TRPM3: variants seen among roughly 807,000 people sequenced by gnomAD.
TRPM3 encodes transient receptor potential cation channel subfamily M member 3, also known as long transient receptor potential channel 3.
Under a neutral mutation model 181.2 loss-of-function variants are expected in TRPM3, and 77 were observed. That is an observed-to-expected ratio of 0.42 (90% CI 0.35 to 0.51). TRPM3 has a LOEUF of 0.51. TRPM3 is among the 20% of genes least tolerant of loss of function. TRPM3 has a pLI of 0.01. For missense variants in TRPM3, 1,759 were observed against 2,196.7 expected, an observed-to-expected ratio of 0.80 and a Z score of 3.98; for synonymous variants, 745 against 796.4, an observed-to-expected ratio of 0.94 and a Z score of 1.09.
intron 1 of TRPM3, among the ~76,000 whole-genome samples, chr9:70,881,545 T>C (rs1041173086): frequency 1.3e-5 from 2 of 152,214 alleles, no homozygotes; most frequent in African/African-American, 4.8e-5. Flanking sequence ...GGATTTCATT[T>C]AATGCAGATT....
intron 11 of TRPM3, among the ~76,000 whole-genome samples, chr9:70,637,877 G>A (rs2133527683): frequency 6.6e-6 from 1 of 152,222 alleles, no homozygotes; most frequent in South Asian, 2.1e-4. Context: ...GAATGTTTGT[G>A]TCCTCTCCAG....
At position 70,815,696 on chromosome 9, in the gene TRPM3, C is replaced by T. The variant is rs192717409; in HGVS notation, c.973+12151G>A. On this transcript the variant is annotated intron_variant, in intron 6 of 25. Coordinates refer to ENST00000677713, the MANE Select transcript of TRPM3 (RefSeq NM_001366145.2). ...TTTTTCTTTTTGATTTGTAGATACT[C>T]GGCATATTATGGAAATTAGCTCTTT... Among the ~76,000 whole-genome samples, 64 of 152,220 alleles carry T rather than the reference C, an allele frequency of 4.2e-4. 1 individual carries two copies. Among genetic ancestry groups the T allele is most frequent in the African/African-American group, 1.3e-3 (52 of 41,544 alleles).
At chr9:70,545,164 T>C (rs1467448513) in intron 25 of TRPM3, among the ~76,000 whole-genome samples, 1 of 152,206 alleles carries the variant, frequency 6.6e-6, no homozygotes, top group Non-Finnish European at 1.5e-5. Flanking sequence ...GTATTAAAAT[T>C]TTGTTATACT....
In TRPM3 at chr9:70,550,454, T is replaced by A. The variant is rs560368103; in HGVS notation, c.3575-780A>T. 4.6e-5 allele frequency among the ~76,000 whole-genome samples: 7 copies of A among 152,352 alleles called. No homozygotes were observed. In the South Asian group the frequency reaches 8.3e-4, roughly 18 times the overall value. ...CATTGTTGAGCTCTGGGCTCTTCAT[T>A]TTTTGTTAAGTGAGAAAAATAAAGC... is the stretch of plus-strand genomic sequence containing the variant. On this transcript the variant is annotated intron_variant, in intron 24 of 25. Coordinates refer to ENST00000677713, the MANE Select transcript of TRPM3 (RefSeq NM_001366145.2).
intron 22 of TRPM3, among the ~76,000 whole-genome samples, chr9:70,587,868 CACA>C (rs1294892575): frequency 6.6e-6 from 1 of 152,212 alleles, no homozygotes; most frequent in Non-Finnish European, 1.5e-5. Context: ...GAACCAACCA[CACA>C]ACAACAGCAA....
intron 1 of TRPM3, among the ~76,000 whole-genome samples, chr9:70,974,082 C>T (rs2097273080): frequency 6.6e-6 from 1 of 152,172 alleles, no homozygotes; most frequent in Non-Finnish European, 1.5e-5. Context: ...CAGGCTAATC[C>T]TGAAAAGTAA....
chr9:71,357,090 C>T (rs1400125484), intron 1 of TRPM3, among the ~76,000 whole-genome samples: 1 of 152,082 alleles, frequency 6.6e-6, no homozygotes, highest in Non-Finnish European at 1.5e-5. Context: ...AGCCCACCTG[C>T]CAGAAATCTG....
chr9:70,991,770 G>A (rs745339281), intron 1 of TRPM3, among the ~76,000 whole-genome samples: 3 of 152,034 alleles, frequency 2.0e-5, no homozygotes, highest in Non-Finnish European at 4.4e-5. Flanking sequence ...AAGGCCTTCC[G>A]TGATCTCCAA....
At chr9:70,691,263 G>T (rs1378974767) in intron 8 of TRPM3, among the ~76,000 whole-genome samples, 1 of 152,148 alleles carries the variant, frequency 6.6e-6, no homozygotes, top group Non-Finnish European at 1.5e-5. Context: ...GCTAGAAATT[G>T]GGTGAAATTG....
intron 1 of TRPM3, among the ~76,000 whole-genome samples, chr9:70,998,192 CACATATAT>C (rs1313475964): frequency 2.7e-5 from 4 of 145,494 alleles, no homozygotes; most frequent in African/African-American, 5.0e-5. Flanking sequence ...TACATATATA[CACATATAT>C]ACATATATAT....
intron 9 of TRPM3, among the ~76,000 whole-genome samples, chr9:70,642,484 C>T (rs948335270): frequency 2.0e-5 from 3 of 152,162 alleles, no homozygotes; most frequent in African/African-American, 4.8e-5. Flanking sequence ...GGTTCCTGGT[C>T]GTTAACTTAC....
At chr9:70,804,816 A>G (rs1357913145) in intron 6 of TRPM3, among the ~76,000 whole-genome samples, 1 of 151,514 alleles carries the variant, frequency 6.6e-6, no homozygotes, top group African/African-American at 2.4e-5. Context: ...AGCCCTTACC[A>G]CTATTCAATA....
intron 1 of TRPM3, among the ~76,000 whole-genome samples, chr9:71,181,240 T>C (rs996077890): frequency 1.6e-4 from 25 of 152,140 alleles, no homozygotes; most frequent in African/African-American, 6.0e-4. Context: ...GAAACTGATC[T>C]TCTATTACTA....
upstream of TRPM3, among the ~76,000 whole-genome samples, chr9:71,124,586 CTTT>C (rs527253317): frequency 1.6e-3 from 250 of 152,250 alleles, no homozygotes; most frequent in African/African-American, 5.6e-3. Flanking sequence ...ATTATCTTCC[CTTT>C]TTATTTTCTG....
At chr9:70,974,029 T>C (rs533614914) in intron 1 of TRPM3, among the ~76,000 whole-genome samples, 9 of 152,304 alleles carry the variant, frequency 5.9e-5, no homozygotes, top group Middle Eastern at 3.4e-3. Flanking sequence ...AAAGGAATTA[T>C]ACTTACAAAT....
At chr9:70,741,526 T>G (rs1243805287) in intron 8 of TRPM3, among the ~76,000 whole-genome samples, 1 of 152,156 alleles carries the variant, frequency 6.6e-6, no homozygotes, top group Non-Finnish European at 1.5e-5. Context: ...ACATGCATCT[T>G]TTTAGCAGCA....
intron 1 of TRPM3, among the ~76,000 whole-genome samples, chr9:71,011,851 G>A (rs1446269755): frequency 6.9e-6 from 1 of 144,962 alleles, no homozygotes; most frequent in African/African-American, 2.5e-5. Flanking sequence ...ATGTGATAGT[G>A]GCTCACTGCA....
intron 7 of TRPM3, chr9:70,776,148 C>T (rs935923589): frequency 3.6e-6 from 1 of 274,920 alleles, no homozygotes; most frequent in Non-Finnish European, 6.7e-6. Flanking sequence ...CCTCCTATCC[C>T]AGCTTTGACA....
chr9:70,699,631 A>G (rs777076754), intron 8 of TRPM3, among the ~76,000 whole-genome samples: 10 of 152,194 alleles, frequency 6.6e-5, no homozygotes, highest in Non-Finnish European at 1.5e-4. Context: ...GTAGTTACTC[A>G]AGATCACTAA....
Sources: allele counts gnomAD v4.1 joint callset (sites outside exome capture counted in the v4.1 genomes callset), GRCh38; gene constraint gnomAD v4.1.1; transcripts MANE v1.5; gene names NCBI Gene and HGNC (gene_info 2026-07-23, HGNC 2026-07-21).